The following ANXA8 variants were observed in gnomAD, a reference collection of about 807,000 sequenced individuals.
ANXA8 encodes the protein VAC-beta.
In ANXA8, 9 loss-of-function variants were observed where a neutral mutation model predicts 26.8. That is an observed-to-expected ratio of 0.34 (90% confidence interval 0.20 to 0.59). The LOEUF is 0.59. Ranked by LOEUF, ANXA8 falls within the 20% of genes least tolerant of loss-of-function variation. ANXA8 has a pLI of 0.84. For missense variants in ANXA8, 83 were observed against 238.5 expected (o/e 0.35, Z 4.29); for synonymous variants, 39 against 94.8 (o/e 0.41, Z 3.42).
chr10:47,491,769 T>C, the ANXA8 span: 1 of 1,527,644 alleles, frequency 6.5e-7, no homozygotes, highest in Non-Finnish European at 8.9e-7. Context: ...TCTGGGGCAA[T>C]AAGCCCTCAC....
At chr10:47,968,096 A>G in the ANXA8 span, among the ~76,000 whole-genome samples, 1 of 151,116 alleles carries the variant, frequency 6.6e-6, no homozygotes, top group African/African-American at 2.4e-5. Context: ...GCCCATACAC[A>G]TGAGTATTTG....
the ANXA8 span, among the ~76,000 whole-genome samples, chr10:47,646,754 C>T: frequency 1.3e-5 from 2 of 151,932 alleles, no homozygotes; most frequent in Non-Finnish European, 2.9e-5. Context: ...CCTAAAATAG[C>T]CCCACATACT....
chr10:47,672,896 A>G, the ANXA8 span, among the ~76,000 whole-genome samples: 10 of 151,544 alleles, frequency 6.6e-5, no homozygotes, highest in Non-Finnish European at 1.3e-4. Flanking sequence ...CGGTTTCTAA[A>G]AACCCATCGA....
the ANXA8 span, among the ~76,000 whole-genome samples, chr10:47,705,382 A>G: frequency 7.6e-6 from 1 of 131,610 alleles, no homozygotes; most frequent in Non-Finnish European, 1.6e-5. Flanking sequence ...AAAATTCAGC[A>G]TATCTTGTAG....
chr10:47,737,665 G>C, the ANXA8 span, among the ~76,000 whole-genome samples: 3 of 149,014 alleles, frequency 2.0e-5, no homozygotes, highest in Admixed American at 6.8e-5. Flanking sequence ...TCCCCATTAA[G>C]AGTATATGTT....
chr10:47,922,191 G>T, the ANXA8 span: 1 of 504,214 alleles, frequency 2.0e-6, no homozygotes, highest in Non-Finnish European at 2.8e-6. Context: ...TAACTGTGAG[G>T]CAGAAGGAGA....
At chr10:47,658,758 G>A in the ANXA8 span, among the ~76,000 whole-genome samples, 5 of 141,076 alleles carry the variant, frequency 3.5e-5, no homozygotes, top group East Asian at 2.0e-4. Context: ...GTTTCTCTAC[G>A]TTTCAGTTTC....
At chr10:47,666,196 C>T in the ANXA8 span, among the ~76,000 whole-genome samples, 1 of 146,234 alleles carries the variant, frequency 6.8e-6, no homozygotes, top group Non-Finnish European at 1.5e-5. Flanking sequence ...CCCCCATCCC[C>T]CACCCCCCGC....
At chr10:47,707,087 A>G in the ANXA8 span, among the ~76,000 whole-genome samples, 1 of 143,604 alleles carries the variant, frequency 7.0e-6, no homozygotes. Flanking sequence ...TTGTTACACT[A>G]CTATTAACTA....
the ANXA8 span, among the ~76,000 whole-genome samples, chr10:47,522,299 T>C: frequency 6.9e-6 from 1 of 145,926 alleles, no homozygotes; most frequent in African/African-American, 2.6e-5. Context: ...AACAAGGAGG[T>C]AAATAAAGTC....
chr10:47,554,667 C>A, the ANXA8 span, among the ~76,000 whole-genome samples: 2 of 151,208 alleles, frequency 1.3e-5, no homozygotes, highest in East Asian at 2.0e-4. Flanking sequence ...AATTCTACAT[C>A]AAAAAACTAG....
chr10:47,694,708 C>T, the ANXA8 span, among the ~76,000 whole-genome samples: 83 of 152,028 alleles, frequency 5.5e-4, 1 homozygote, highest in African/African-American at 1.9e-3. Flanking sequence ...CGCGAGCCAC[C>T]GCGCCCGGCC....
chr10:47,556,772 TG>T, the ANXA8 span, among the ~76,000 whole-genome samples: 1 of 146,774 alleles, frequency 6.8e-6, no homozygotes, highest in Non-Finnish European at 1.5e-5. Context: ...AAATTTTTAA[TG>T]AAAAAAAGTA....
chr10:47,550,184 CAAT>C, the ANXA8 span, among the ~76,000 whole-genome samples: 3 of 151,682 alleles, frequency 2.0e-5, no homozygotes, highest in Non-Finnish European at 2.9e-5. Context: ...TATATTACTG[CAAT>C]AATAAGAGAT....
At chr10:47,513,606 T>C in the ANXA8 span, among the ~76,000 whole-genome samples, 2 of 140,070 alleles carry the variant, frequency 1.4e-5, no homozygotes, top group African/African-American at 5.2e-5. Context: ...ACAACAAATC[T>C]GGAGGCATGA....
chr10:47,484,280 C>A (rs1839972805), upstream of ANXA8: 2 of 663,258 alleles, frequency 3.0e-6, no homozygotes, highest in South Asian at 1.6e-5. Flanking sequence ...GTAAACACAG[C>A]TCCATGTTGA....
the ANXA8 span, among the ~76,000 whole-genome samples, chr10:47,647,118 A>C: frequency 6.6e-6 from 1 of 152,262 alleles, no homozygotes; most frequent in Non-Finnish European, 1.5e-5. Context: ...TATTAACATC[A>C]CTTTGCTCTA....
the ANXA8 span, among the ~76,000 whole-genome samples, chr10:47,528,269 T>C: frequency 2.0e-4 from 29 of 142,378 alleles, 1 homozygote; most frequent in African/African-American, 6.0e-4. Flanking sequence ...TTAGTAAAGA[T>C]GGGGTTTCAA....
chr10:47,742,974 G>A, the ANXA8 span, among the ~76,000 whole-genome samples: 1 of 132,864 alleles, frequency 7.5e-6, no homozygotes, highest in African/African-American at 2.8e-5. Context: ...TTAACACGGT[G>A]AAACCCCGTC....
Sources: allele counts gnomAD v4.1 joint callset (sites outside exome capture counted in the v4.1 genomes callset), GRCh38; gene constraint gnomAD v4.1.1; transcripts MANE v1.5; gene names NCBI Gene and HGNC (gene_info 2026-07-23, HGNC 2026-07-21).